The following DMD variants were observed in gnomAD, a reference collection of about 807,000 sequenced individuals.
DMD encodes dystrophin, also known as mutant dystrophin.
Under a neutral mutation model 330.1 loss-of-function variants are expected in DMD, and 63 were observed. That is an observed-to-expected ratio of 0.19 (90% confidence interval 0.16 to 0.24). DMD has a LOEUF of 0.24. Ranked by LOEUF, DMD falls within the 10% of genes least tolerant of loss-of-function variation. DMD has a pLI of 1.00. For missense variants in DMD, 3,344 were observed against 2,684.1 expected (o/e 1.25, Z -5.43); for synonymous variants, 1,223 against 959.8 (o/e 1.27, Z -5.07).
intron 2 of DMD, among the ~76,000 whole-genome samples, chrX:32,929,546 C>G (rs963689740): frequency 9.0e-6 from 1 of 111,097 alleles, no homozygotes; most frequent in Non-Finnish European, 1.9e-5. Context: ...CAAAACCCAT[C>G]AAGCACAGAT....
intron 41 of DMD, among the ~76,000 whole-genome samples, chrX:32,323,210 G>A (rs1226210147): frequency 1.8e-5 from 2 of 111,828 alleles, no homozygotes; most frequent in Admixed American, 1.9e-4. Flanking sequence ...GATATGAAGT[G>A]TTCAGGAGGG....
chrX:31,564,277 T>C (rs190739095), intron 55 of DMD, among the ~76,000 whole-genome samples: 2 of 111,979 alleles, frequency 1.8e-5, no homozygotes, highest in East Asian at 5.6e-4. Flanking sequence ...AGGAAACAAA[T>C]ACATTCTTTA....
chrX:32,536,271 A>G (rs956931988), intron 17 of DMD, among the ~76,000 whole-genome samples: 2 of 106,070 alleles, frequency 1.9e-5, no homozygotes, highest in African/African-American at 7.1e-5. Context: ...CTCCAAAAAA[A>G]AAAAAAAAAA....
At chrX:32,853,039 A>C (rs1262110494) in intron 2 of DMD, among the ~76,000 whole-genome samples, 2 of 112,183 alleles carry the variant, frequency 1.8e-5, no homozygotes, top group Non-Finnish European at 3.8e-5. Flanking sequence ...TCAGCAGAAA[A>C]CTTACAGGCT....
intron 2 of DMD, among the ~76,000 whole-genome samples, chrX:32,930,967 ATATAT>A (rs1419782761): frequency 9.3e-6 from 1 of 107,761 alleles, no homozygotes; most frequent in East Asian, 2.8e-4. Flanking sequence ...TATATGATTC[ATATAT>A]TATATATTAT....
chrX:33,133,578 C>T (rs1271503742), intron 1 of DMD, among the ~76,000 whole-genome samples: 1 of 111,281 alleles, frequency 9.0e-6, no homozygotes, highest in African/African-American at 3.3e-5. Flanking sequence ...AAGAGGTTAC[C>T]GAGCTTTCTC....
chrX:32,371,782 T>C (rs760763191), intron 34 of DMD, among the ~76,000 whole-genome samples: 2 of 111,565 alleles, frequency 1.8e-5, no homozygotes, highest in South Asian at 3.7e-4. Context: ...AGAGTGATAT[T>C]AAGATACTAA....
At chrX:31,184,434 G>C (rs978251161) in intron 67 of DMD, among the ~76,000 whole-genome samples, 1 of 102,352 alleles carries the variant, frequency 9.8e-6, no homozygotes, top group African/African-American at 3.6e-5. Flanking sequence ...ACACCAGTTA[G>C]AATGGCAATC....
chrX:32,485,044 T>C lies in DMD; in HGVS notation c.2678A>G (p.Gln893Arg), dbSNP rs1205562340. 1 of 1,211,642 alleles carries C rather than the reference T, an allele frequency of 8.3e-7. No individual in the cohort carries two copies. Among genetic ancestry groups the C allele is most frequent in the Non-Finnish European group, 1.1e-6 (1 of 895,284 alleles). Residue 893 changes from glutamine (Q) to arginine (R), a missense_variant, in exon 21 of 79, where the codon CAA becomes CGA. By Grantham distance (43) the Gln-to-Arg change is conservative. Coordinates refer to ENST00000357033, the MANE Select transcript of DMD (RefSeq NM_004006.3). ...LQPQIERLKI[Q>R]SIALKEKGQG... ...TCCTTTCTCTTTCAGGGCTATGCTT[T>C]GAATTTTTAATCGTTCAATTTGAGG...
chrX:32,833,755 A>T (rs920539880), intron 4 of DMD, among the ~76,000 whole-genome samples: 1 of 108,619 alleles, frequency 9.2e-6, no homozygotes, highest in African/African-American at 3.3e-5. Context: ...GAGTGACATT[A>T]TAAGAAATAT....
At chrX:31,584,257 C>T (rs2076479835) in intron 55 of DMD, among the ~76,000 whole-genome samples, 1 of 109,639 alleles carries the variant, frequency 9.1e-6, no homozygotes, top group African/African-American at 3.3e-5. Context: ...CTCTCCCTCC[C>T]CTCGCCCCAC....
At chrX:32,647,807 C>A (rs1292738074) in intron 9 of DMD, among the ~76,000 whole-genome samples, 1 of 111,993 alleles carries the variant, frequency 8.9e-6, no homozygotes, top group Non-Finnish European at 1.9e-5. Context: ...TGTTTTGAAG[C>A]ATAAATTGCC....
chrX:32,555,097 T>C (rs751082930), intron 16 of DMD, among the ~76,000 whole-genome samples: 8 of 110,190 alleles, frequency 7.3e-5, no homozygotes, highest in African/African-American at 2.6e-4. Context: ...AAAAAGCTTA[T>C]CCACCACAAT....
intron 51 of DMD, among the ~76,000 whole-genome samples, chrX:31,767,146 T>C (rs768366984): frequency 2.2e-4 from 25 of 112,054 alleles, no homozygotes; most frequent in Admixed American, 1.3e-3. Flanking sequence ...ACAAAATTTG[T>C]AAATATCTTC....
At chrX:31,420,178 C>T (rs1008144569) in intron 60 of DMD, among the ~76,000 whole-genome samples, 1 of 112,155 alleles carries the variant, frequency 8.9e-6, no homozygotes, top group African/African-American at 3.2e-5. Flanking sequence ...GCTCTGTGAA[C>T]AAAGTAGAAA....
intron 50 of DMD, among the ~76,000 whole-genome samples, chrX:31,813,676 C>T (rs1416307092): frequency 1.8e-5 from 2 of 111,902 alleles, no homozygotes; most frequent in Non-Finnish European, 3.8e-5. Context: ...CACCTTTATC[C>T]CCCAGCTTTT....
intron 32 of DMD, among the ~76,000 whole-genome samples, chrX:32,389,117 G>A (rs1177796645): frequency 9.0e-6 from 1 of 111,291 alleles, no homozygotes; most frequent in African/African-American, 3.3e-5. Context: ...AAGAATTAAA[G>A]GTGACTTCTG....
At chrX:33,092,436 C>T (rs1430467813) in intron 1 of DMD, among the ~76,000 whole-genome samples, 2 of 111,694 alleles carry the variant, frequency 1.8e-5, no homozygotes, top group African/African-American at 6.5e-5. Flanking sequence ...TCTATATACA[C>T]TAAAGTCATA....
At chrX:31,877,703 G>A (rs151144145) in intron 47 of DMD, among the ~76,000 whole-genome samples, 1,501 of 108,600 alleles carry the variant, frequency 0.014, 26 homozygotes, top group African/African-American at 0.047. Flanking sequence ...GTGCACGCAC[G>A]CGCGCACACA....
Sources: gnomAD v4.1 joint callset for allele counts (sites outside exome capture counted in the v4.1 genomes callset) on GRCh38, gnomAD v4.1.1 for gene constraint, MANE v1.5 for transcripts, NCBI Gene and HGNC (gene_info 2026-07-23, HGNC 2026-07-21) for gene names.